ARHGAP21: variants seen among roughly 807,000 people sequenced by gnomAD.
The protein encoded by ARHGAP21 is Rho GTPase activating protein 21.
In ARHGAP21, 38 loss-of-function variants were observed where a neutral mutation model predicts 164.6. The observed-to-expected ratio is 0.23, with a 90% CI of 0.18 to 0.30. The LOEUF (loss-of-function observed/expected upper bound fraction) is 0.30. Among genes scored for constraint, ARHGAP21 ranks in the 10% least tolerant of loss-of-function variants. The pLI is 1.00. For missense variants in ARHGAP21, 1,822 were observed against 2,370.7 expected, an observed-to-expected ratio of 0.77 and a Z score of 4.81; for synonymous variants, 766 against 857.9, an observed-to-expected ratio of 0.89 and a Z score of 1.87.
Position 24,685,431 on chromosome 10 carries a change from A to T in ARHGAP21, c.64-15034T>A, listed in dbSNP as rs547899479. ...ATTTATAATCAGTTACCTTTTAAGCATGTCTACCAAAATCAAAGATCACGA... is the reference window on the plus strand; with the variant it reads ...ATTTATAATCAGTTACCTTTTAAGCTTGTCTACCAAAATCAAAGATCACGA... On this transcript the variant is annotated intron_variant, in intron 2 of 25. Coordinates refer to ENST00000396432, the MANE Select transcript of ARHGAP21 (RefSeq NM_020824.4). 1.7e-4 allele frequency among the ~76,000 whole-genome samples: 26 copies of T among 152,340 alleles called. No individual in the cohort carries two copies. In the South Asian group the frequency reaches 5.2e-3, roughly 30 times the overall value.
intron 2 of ARHGAP21, among the ~76,000 whole-genome samples, chr10:24,677,216 A>T (rs952303455): frequency 6.6e-6 from 1 of 152,050 alleles, no homozygotes; most frequent in Non-Finnish European, 1.5e-5. Flanking sequence ...CGAGACTCCG[A>T]CTCTAAATAA....
At position 24,602,051 on chromosome 10, in the gene ARHGAP21, G is replaced by C; in HGVS notation, c.2774C>G (p.Ser925Cys). 1 of 1,613,076 alleles carries C rather than the reference G, an allele frequency of 6.2e-7. No homozygotes were observed. The highest frequency in any genetic ancestry group is 8.5e-7 in the Non-Finnish European group (1 of 1,179,930). Residue 925 changes from serine to cysteine, a missense_variant, in exon 13 of 26, where the codon TCC becomes TGC. By Grantham distance (112) the Ser-to-Cys change is moderately radical. Transcript: ENST00000396432. ...GGCAGCATCACTGAAGACCTCTGAG[G>C]AAGAATCTTTTCTGGACCCAGAGTC... ...SEDSGSRKDS[S>C]SEVFSDAAKE... is the part of the protein sequence containing the mutation.
intron 3 of ARHGAP21, among the ~76,000 whole-genome samples, chr10:24,667,925 GA>G (rs1038555722): frequency 6.6e-6 from 1 of 151,978 alleles, no homozygotes; most frequent in African/African-American, 2.4e-5. Flanking sequence ...AATTAAAATG[GA>G]AAAGATTCCA....
chr10:24,598,079 T>C, intron 14 of ARHGAP21, 70 bp from the exon 15 acceptor site: 11 of 1,256,098 alleles, frequency 8.8e-6, no homozygotes, highest in Non-Finnish European at 1.3e-5. Context: ...TTTTGAGGCT[T>C]TCTATTGTAC....
chr10:24,615,082 C>T lies in ARHGAP21; in HGVS notation c.2422+4391G>A, dbSNP rs548731758. 5.9e-5 allele frequency among the ~76,000 whole-genome samples: 9 copies of T among 151,658 alleles called. No homozygotes were observed. In the East Asian group the frequency reaches 7.8e-4, roughly 13 times the overall value. ...GTGCACACCTGTAATCCCAGCTACT[C>T]GGGAGGCTGAGGCAGGAGAATCACT... On this transcript the variant is annotated intron_variant, in intron 9 of 25. Coordinates refer to ENST00000396432, the MANE Select transcript of ARHGAP21 (RefSeq NM_020824.4).
chr10:24,718,409 G>T (rs149599765), intron 2 of ARHGAP21, among the ~76,000 whole-genome samples: 1 of 152,242 alleles, frequency 6.6e-6, no homozygotes, highest in East Asian at 1.9e-4. Context: ...CCAGCACACA[G>T]GAGAGTGCAA....
In ARHGAP21 at chr10:24,622,758, T is replaced by C. The variant is rs778257636; in HGVS notation, c.500A>G (p.Gln167Arg). The C allele has an allele frequency of 1.9e-6, 3 of 1,611,266 alleles. No homozygotes were observed. The highest frequency in any genetic ancestry group is 2.2e-5 in the East Asian group (1 of 44,722). ...PKDEDILQVL[Q>R]FTKDVTALAY... ...CAGTGCTGTGACATCCTTTGTAAACTGTAGCTAGCAGAAAATAGGAAAACA... is the reference window on the plus strand; with the variant it reads ...CAGTGCTGTGACATCCTTTGTAAACCGTAGCTAGCAGAAAATAGGAAAACA... Residue 167 changes from glutamine (Q) to arginine (R), a missense_variant, in exon 8 of 26, where the codon CAG becomes CGG. By Grantham distance (43) the Gln-to-Arg change is conservative (BLOSUM62 1). This residue lies in a region of ARHGAP21 where 1,090 missense variants were observed against 1,378.9 expected (regional missense o/e 0.79). Transcript: ENST00000396432.
chr10:24,627,049 C>T (rs1406060956), intron 7 of ARHGAP21, among the ~76,000 whole-genome samples: 1 of 152,084 alleles, frequency 6.6e-6, no homozygotes, highest in African/African-American at 2.4e-5. Context: ...TTACACGAGT[C>T]AAATTTTAAG....
At chr10:24,681,356 A>G (rs948942761) in intron 2 of ARHGAP21, among the ~76,000 whole-genome samples, 4 of 152,278 alleles carry the variant, frequency 2.6e-5, no homozygotes, top group Non-Finnish European at 4.4e-5. Flanking sequence ...TAAAAAGTAC[A>G]AAGTCTACAT....
intron 23 of ARHGAP21, 37 bp from the exon 24 acceptor site, chr10:24,591,367 T>TCAAAGATACTTTCTTTAA (rs1427827904): frequency 2.0e-6 from 3 of 1,515,344 alleles, no homozygotes; most frequent in South Asian, 2.3e-5. Context: ...CATCATCTCT[T>TCAAAGATACTTTCTTTAA]CAAAGATACT....
intron 15 of ARHGAP21, 104 bp downstream of exon 15, chr10:24,597,841 T>C: frequency 1.6e-6 from 2 of 1,285,786 alleles, no homozygotes; most frequent in Non-Finnish European, 2.2e-6. Context: ...CTATCTGCGG[T>C]TTCAAGCATC....
Position 24,591,282 on chromosome 10 carries a change from T to G in ARHGAP21, c.4093A>C (p.Ile1365Leu). 6.2e-7 allele frequency: 1 copy of G among 1,613,072 alleles called. No individual in the cohort carries two copies. ...STVDSQPVPN[I>L]DHLLTNIGRT... ...CCAATGTTGGTGAGTAAATGATCTA[T>G]GTTTGGCACTGGCTGGGAGTCTACT... Residue 1365 changes from isoleucine (I) to leucine (L), a missense_variant, in exon 24 of 26, where the codon ATA becomes CTA. Ile to Leu is a conservative substitution (Grantham distance 5, BLOSUM62 2). Around this residue, in one of 5 missense-constraint regions of ARHGAP21, gnomAD observed 333 missense variants for 383.9 expected, o/e 0.87. Coordinates refer to ENST00000396432, the MANE Select transcript of ARHGAP21 (RefSeq NM_020824.4).
At chr10:24,623,541 T>C (rs1834782996) in intron 7 of ARHGAP21, among the ~76,000 whole-genome samples, 1 of 152,254 alleles carries the variant, frequency 6.6e-6, no homozygotes, top group African/African-American at 2.4e-5. Flanking sequence ...GGTGTGTGCA[T>C]TGACACACCA....
intron 7 of ARHGAP21, 141 bp from the exon 8 acceptor site, chr10:24,622,903 C>A: frequency 1.5e-6 from 1 of 688,086 alleles, no homozygotes. Context: ...AGGTAAAGGG[C>A]AGTGAAGCAT....
In ARHGAP21 at chr10:24,597,450, T is replaced by C. The variant is rs2130856363; in HGVS notation, c.3331A>G (p.Lys1111Glu). ...GTTAGAAAGCTAACATCAATACCTT[T>C]ACTGAGAAGTTTCCTTTCCGACTCT... ...KEESERKLLS[K>E]DDTSPPKDKG... The change falls in exon 16 of 26, where the codon AAA becomes GAA. Residue 1111 changes from lysine to glutamate, a missense_variant. By Grantham distance (56) the Lys-to-Glu change is moderately conservative (BLOSUM62 1). This residue lies in a region of ARHGAP21 where 1,090 missense variants were observed against 1,378.9 expected (regional missense o/e 0.79). Transcript: ENST00000396432. 3.1e-6 allele frequency: 5 copies of C among 1,612,656 alleles called. No homozygotes were observed. The highest frequency in any genetic ancestry group is 4.2e-6 in the Non-Finnish European group (5 of 1,179,654).
chr10:24,614,822 G>A lies in ARHGAP21; in HGVS notation c.2422+4651C>T, dbSNP rs1460426865. ...AATGCGGCTAGGTTTTAAAAAAAAC[G>A]TATTTCCCTAAATAAATAAGCATAG... On this transcript the variant is annotated intron_variant, in intron 9 of 25. Transcript: ENST00000396432. 4.7e-5 allele frequency among the ~76,000 whole-genome samples: 7 copies of A among 147,512 alleles called. No homozygotes were observed. In the East Asian group the frequency reaches 9.9e-4, roughly 21 times the overall value.
intron 4 of ARHGAP21, among the ~76,000 whole-genome samples, chr10:24,649,705 TA>T (rs202172570): frequency 1.1e-3 from 148 of 136,994 alleles, no homozygotes; most frequent in African/African-American, 1.8e-3. Context: ...ACAAAGCAGT[TA>T]AAAAAAAAAA....
intron 12 of ARHGAP21, among the ~76,000 whole-genome samples, chr10:24,602,762 C>T (rs559155994): frequency 3.3e-5 from 5 of 152,086 alleles, no homozygotes; most frequent in Admixed American, 6.5e-5. Flanking sequence ...AAGGGACACG[C>T]GTGAAAAGAG....
At chr10:24,698,358 G>T (rs1302115822) in intron 2 of ARHGAP21, among the ~76,000 whole-genome samples, 4 of 152,198 alleles carry the variant, frequency 2.6e-5, no homozygotes, top group East Asian at 3.9e-4. Flanking sequence ...TAACACACTT[G>T]CTCAGTCACA....
Sources: gnomAD v4.1 joint callset for allele counts (sites outside exome capture counted in the v4.1 genomes callset) on GRCh38, gnomAD v4.1.1 for gene constraint, gnomAD v4.1.1 regional missense constraint, MANE v1.5 for transcripts, NCBI Gene and HGNC (gene_info 2026-07-23, HGNC 2026-07-21) for gene names.